The following SMARCA4 variants were observed in gnomAD, a reference collection of about 807,000 sequenced individuals.
SMARCA4 encodes SWI/SNF related BAF chromatin remodeling complex subunit ATPase 4.
A neutral mutation model predicts 193.9 loss-of-function variants in SMARCA4; 31 were observed. The observed-to-expected ratio is 0.16, with a 90% CI of 0.12 to 0.22. The LOEUF is 0.22. SMARCA4 is among the 10% of genes least tolerant of loss of function. SMARCA4 has a pLI of 1.00. For missense variants in SMARCA4, 1,148 were observed against 2,296.0 expected, an observed-to-expected ratio of 0.50 and a Z score of 10.22; for synonymous variants, 942 against 933.1, an observed-to-expected ratio of 1.01 and a Z score of -0.17.
chr19:11,019,432 G>A lies in SMARCA4; in HGVS notation c.2506-159G>A. On this transcript the variant is annotated intron_variant, in intron 17 of 34. Transcript: ENST00000344626. The surrounding 1 kb of genome is among the most constrained non-coding windows in gnomAD (Gnocchi z 6.1). ...GCGTGTTCTGCGTGGTGAGGTCTGG[G>A]GACGCGCCAGCGGCCCTGCCAGCCC... 2 of 651,822 alleles carry A rather than the reference G, an allele frequency of 3.1e-6. No individual in the cohort carries two copies. Among genetic ancestry groups the A allele is most frequent in the Non-Finnish European group, 2.8e-6 (1 of 358,688 alleles). 40.4% of individuals were successfully genotyped at this position (651,822 alleles called of 1,614,324 possible).
intron 21 of SMARCA4, 31 bp from the exon 22 acceptor site, chr19:11,025,391 C>T: frequency 1.9e-6 from 3 of 1,538,812 alleles, no homozygotes; most frequent in Non-Finnish European, 2.7e-6. Flanking sequence ...AGGGCAAGAC[C>T]CCATTTGGGT....
rs1275554425 is a variant in SMARCA4, at chr19:11,060,141, C to T, written c.4865C>T (p.Ala1622Val). Residue 1622 changes from alanine (A) to valine (V), a missense_variant, in exon 34 of 35, where the codon GCC becomes GTC. Around this residue, in one of 17 missense-constraint regions of SMARCA4, gnomAD observed 105 missense variants for 133.7 expected, o/e 0.79. Transcript: ENST00000344626. ...GRRRPSRGSR[A>V]KPVVSDDDSE... ...CGGCGGCCGAGCCGAGGGTCCCGAGCCAAGCCGGTCGTGAGTGACGATGAC... is the reference window on the plus strand; with the variant it reads ...CGGCGGCCGAGCCGAGGGTCCCGAGTCAAGCCGGTCGTGAGTGACGATGAC... 1 of 1,551,086 alleles carries T rather than the reference C, an allele frequency of 6.4e-7. No homozygotes were observed. The highest frequency in any genetic ancestry group is 1.7e-4 in the Middle Eastern group (1 of 5,950).
In SMARCA4 at chr19:11,058,669, C is replaced by A; in HGVS notation, c.4534-119C>A. ...AGCCAGGTTACCGAGGCTGGCGCTTCGGCCACATCCTCATAGGCACGAGGA... is the reference window on the plus strand; with the variant it reads ...AGCCAGGTTACCGAGGCTGGCGCTTAGGCCACATCCTCATAGGCACGAGGA... On this transcript the variant is annotated intron_variant, in intron 31 of 34. Transcript: ENST00000344626. This position sits in a 1 kb window ranked among gnomAD's most constrained non-coding sequence, Gnocchi z 5.8. The A allele has an allele frequency of 1.2e-6, 1 of 855,948 alleles. No homozygotes were observed. The highest frequency in any genetic ancestry group is 1.9e-6 in the Non-Finnish European group (1 of 514,760). The allele number at this position is 855,948 out of a possible 1,614,324, so 53.0% of individuals were successfully genotyped here.
At position 11,034,248 on chromosome 19, in the gene SMARCA4, G is replaced by A. The variant is rs1205559618; in HGVS notation, c.3951+48G>A. The A allele has an allele frequency of 7.0e-7, 1 of 1,426,422 alleles. No individual in the cohort carries two copies. The highest frequency in any genetic ancestry group is 9.9e-7 in the Non-Finnish European group (1 of 1,009,310). 88.4% of individuals were successfully genotyped at this position (1,426,422 alleles called of 1,614,324 possible). On this transcript the variant is annotated intron_variant, in intron 28 of 34. Coordinates refer to ENST00000344626, the MANE Select transcript of SMARCA4 (RefSeq NM_003072.5). The surrounding 1 kb of genome is among the most constrained non-coding windows in gnomAD (Gnocchi z 7.0). ...GGCAGTTCAGGCATCCCACTCTGCT[G>A]CCACCAGGAGCAAAGCAGACGTCCT... is the stretch of plus-strand genomic sequence containing the variant.
chr19:11,023,444 C>T lies in SMARCA4; in HGVS notation c.2860-74C>T, dbSNP rs989048249. On this transcript the variant is annotated intron_variant, in intron 19 of 34. Transcript: ENST00000344626. ...ACCCCGTCCACCCTGTCCCCACATCCGCACCTTCTAGTGAGACCTCTGTCG... is the reference window on the plus strand; with the variant it reads ...ACCCCGTCCACCCTGTCCCCACATCTGCACCTTCTAGTGAGACCTCTGTCG... 29 of 968,708 alleles carry T rather than the reference C, an allele frequency of 3.0e-5. No homozygotes were observed. The Middle Eastern group carries it at 6.2e-4, about 21-fold the overall frequency. 60.0% of individuals were successfully genotyped at this position (968,708 alleles called of 1,614,324 possible).
intron 30 of SMARCA4, among the ~76,000 whole-genome samples, chr19:11,055,755 CT>C (rs3837950): frequency 0.18 from 27,173 of 151,792 alleles, 3,046 homozygotes; most frequent in Non-Finnish European, 0.25. Context: ...ACAAAACTGG[CT>C]TTTTTTTCCC....
At chr19:11,013,819 C>T (rs2089091435) in intron 16 of SMARCA4, among the ~76,000 whole-genome samples, 1 of 152,172 alleles carries the variant, frequency 6.6e-6, no homozygotes, top group Non-Finnish European at 1.5e-5. Context: ...CAGCATGGCC[C>T]AGGTCCTTGG....
intron 16 of SMARCA4, among the ~76,000 whole-genome samples, chr19:11,016,692 T>C (rs1030448646): frequency 7.9e-5 from 12 of 152,202 alleles, no homozygotes; most frequent in Non-Finnish European, 2.9e-5. Flanking sequence ...CGGATATTTA[T>C]TTAGTACTCC....
chr19:11,017,058 G>C (rs571187469), intron 16 of SMARCA4, among the ~76,000 whole-genome samples: 1 of 152,270 alleles, frequency 6.6e-6, no homozygotes, highest in African/African-American at 2.4e-5. Flanking sequence ...GCGTGCTGAT[G>C]CTTTGTGCAC....
rs111827819 is a variant in SMARCA4 at position 10,973,400 on chromosome 19, C to T, written c.-31-10721C>T. 1.9e-3 allele frequency among the ~76,000 whole-genome samples: 281 copies of T among 151,232 alleles called. 1 individual carries two copies. The highest frequency in any genetic ancestry group is 6.8e-3 in the Middle Eastern group (2 of 292). On this transcript the variant is annotated intron_variant, in intron 1 of 34. Coordinates refer to ENST00000344626, the MANE Select transcript of SMARCA4 (RefSeq NM_003072.5). Reference sequence around the variant, plus strand: ...GGTCCCTTGGGTAGGTGCTCTTAAGCGGTTTTCTTTTTTTTTTTTTGAGAC... The same window carrying T: ...GGTCCCTTGGGTAGGTGCTCTTAAGTGGTTTTCTTTTTTTTTTTTTGAGAC...
chr19:10,995,307 C>T (rs1473539480), intron 9 of SMARCA4: 8 of 559,562 alleles, frequency 1.4e-5, no homozygotes, highest in Admixed American at 2.2e-5. Context: ...TCCAGACCCC[C>T]GACCCCTAGC....
intron 1 of SMARCA4, among the ~76,000 whole-genome samples, chr19:10,963,184 G>A (rs192165780): frequency 4.4e-4 from 67 of 151,870 alleles, no homozygotes; most frequent in Middle Eastern, 6.8e-3. Flanking sequence ...ACTAACCTGG[G>A]CAACATAGTG....
chr19:11,005,211 C>T lies in SMARCA4; in HGVS notation c.2001+1814C>T, dbSNP rs532383985. 2.0e-5 allele frequency among the ~76,000 whole-genome samples: 3 copies of T among 152,316 alleles called. No homozygotes were observed. The South Asian group carries it at 6.2e-4, about 32-fold the overall frequency. ...CTACCCTGGAGTCTGACTTTTAAAA[C>T]TCTGGGAGGTTGTGGTGGCGTCTAG... On this transcript the variant is annotated intron_variant, in intron 13 of 34. Coordinates refer to ENST00000344626, the MANE Select transcript of SMARCA4 (RefSeq NM_003072.5).
Position 11,025,445 on chromosome 19 carries a change from G to C in SMARCA4, c.3105G>C (p.Leu1035=), listed in dbSNP as rs748551966. The C allele has an allele frequency of 2.7e-5, 43 of 1,613,190 alleles. No homozygotes were observed. Among genetic ancestry groups the C allele is most frequent in the Non-Finnish European group, 3.6e-5 (42 of 1,179,886 alleles). ...DKKGKGGTKT[L]MNTIMQLRKI... ...AGGGCAAAGGCGGCACCAAGACCCT[G>C]ATGAACACCATCATGCAGCTGCGGA... Residue 1035 remains leucine, a synonymous_variant, in exon 22 of 35, where the codon CTG becomes CTC. Coordinates refer to ENST00000344626, the MANE Select transcript of SMARCA4 (RefSeq NM_003072.5).
At chr19:11,055,648 G>A (rs1278484350) in intron 30 of SMARCA4, among the ~76,000 whole-genome samples, 1 of 152,212 alleles carries the variant, frequency 6.6e-6, no homozygotes, top group East Asian at 1.9e-4. Context: ...CAGGGCAAGG[G>A]CCACAGTGTG....
intron 24 of SMARCA4, among the ~76,000 whole-genome samples, chr19:11,029,723 G>C (rs149323626): frequency 6.6e-6 from 1 of 152,166 alleles, no homozygotes; most frequent in Non-Finnish European, 1.5e-5. Flanking sequence ...GCCCAGGCTG[G>C]AGTGCAGTGG....
rs1261964995 is a variant in SMARCA4 at position 10,984,110 on chromosome 19, C to T, written c.-31-11C>T. On this transcript the variant is annotated splice_polypyrimidine_tract_variant and intron_variant, in intron 1 of 34. Coordinates refer to ENST00000344626, the MANE Select transcript of SMARCA4 (RefSeq NM_003072.5). The surrounding 1 kb of genome is among the most constrained non-coding windows in gnomAD (Gnocchi z 4.3). ...GTCATGAACCCCAGACTGACCAGGACTGTCTTCCAGCAGGAGGCCACTGTC... is the reference window on the plus strand; with the variant it reads ...GTCATGAACCCCAGACTGACCAGGATTGTCTTCCAGCAGGAGGCCACTGTC... 4 of 1,612,858 alleles carry T rather than the reference C, an allele frequency of 2.5e-6. No individual in the cohort carries two copies. Among genetic ancestry groups the T allele is most frequent in the South Asian group, 2.2e-5 (2 of 90,974 alleles).
chr19:10,992,468 G>A (rs1409113497), intron 8 of SMARCA4, among the ~76,000 whole-genome samples: 3 of 131,936 alleles, frequency 2.3e-5, no homozygotes, highest in African/African-American at 8.7e-5. Flanking sequence ...CTTGTCACCC[G>A]GACTGGAGTG....
rs771818596 is a variant in SMARCA4 at position 11,013,116 on chromosome 19, A to C, written c.2438+4A>C. 5 of 1,613,898 alleles carry C rather than the reference A, an allele frequency of 3.1e-6. No homozygotes were observed. The Admixed American group carries it at 6.7e-5, about 22-fold the overall frequency. ...TCCTCATCATCGTGCCTCTCTCGTG[A>C]GTACCCGCTGCCAGCAACATCCCAC... On this transcript the variant is annotated splice_donor_region_variant and intron_variant, in intron 16 of 34. Transcript: ENST00000344626.
Sources: allele counts gnomAD v4.1 joint callset (sites outside exome capture counted in the v4.1 genomes callset), GRCh38; gene constraint gnomAD v4.1.1; regional missense constraint gnomAD v4.1.1; non-coding constraint Gnocchi (gnomAD v3.1); transcripts MANE v1.5; gene names NCBI Gene and HGNC (gene_info 2026-07-23, HGNC 2026-07-21).